Variants in DHRSX observed in about 807,000 individuals in gnomAD.
The protein encoded by DHRSX is polyprenol dehydrogenase.
In DHRSX, 31 loss-of-function variants were observed where a neutral mutation model predicts 34.0. The ratio of observed to expected loss-of-function variants is 0.91; its 90% CI spans 0.69 to 1.23. The LOEUF is 1.23. Among genes scored for constraint, DHRSX ranks in the 50% most tolerant of loss-of-function variants. DHRSX has a pLI of 0.00. For missense variants in DHRSX, 414 were observed against 428.1 expected (o/e 0.97, Z 0.29); for synonymous variants, 201 against 183.8 (o/e 1.09, Z -0.76).
intron 3 of DHRSX, among the ~76,000 whole-genome samples, chrX:2,304,607 C>T (rs1001446607): frequency 1.3e-5 from 2 of 152,006 alleles, no homozygotes; most frequent in Admixed American, 6.6e-5. Flanking sequence ...CAGCCCACCC[C>T]AACTGCACCT....
At chrX:2,493,315 C>CCAT (rs770537301) in intron 1 of DHRSX, among the ~76,000 whole-genome samples, 22 of 152,120 alleles carry the variant, frequency 1.4e-4, no homozygotes, top group Non-Finnish European at 2.5e-4. Context: ...ATCAGATCCT[C>CCAT]CATCATCATC....
At chrX:2,424,826 A>C (rs956881076) in intron 2 of DHRSX, among the ~76,000 whole-genome samples, 4 of 152,276 alleles carry the variant, frequency 2.6e-5, no homozygotes, top group African/African-American at 9.6e-5. Flanking sequence ...ACACCTAAGT[A>C]GCTCACATTA....
intron 1 of DHRSX, among the ~76,000 whole-genome samples, chrX:2,482,666 CAT>C (rs1485692828): frequency 6.6e-6 from 1 of 152,194 alleles, no homozygotes; most frequent in Non-Finnish European, 1.5e-5. Context: ...AAAACCTAAA[CAT>C]AATTCTTAGC....
chrX:2,271,434 G>C (rs1163287739), intron 4 of DHRSX, among the ~76,000 whole-genome samples: 5 of 152,208 alleles, frequency 3.3e-5, no homozygotes, highest in Non-Finnish European at 7.3e-5. Flanking sequence ...AGGGAGAAAT[G>C]AGCAGACTGT....
intron 3 of DHRSX, among the ~76,000 whole-genome samples, chrX:2,333,494 A>C: frequency 6.6e-6 from 1 of 152,262 alleles, no homozygotes; most frequent in South Asian, 2.1e-4. Flanking sequence ...GGCTCACTGC[A>C]ACCTCCGCCT....
intron 3 of DHRSX, among the ~76,000 whole-genome samples, chrX:2,406,952 A>C (rs2043562709): frequency 6.6e-6 from 1 of 152,228 alleles, no homozygotes; most frequent in Admixed American, 6.5e-5. Context: ...TGTATCAAAG[A>C]GATGCCTGCA....
At chrX:2,311,834 G>A (rs753187303) in intron 3 of DHRSX, among the ~76,000 whole-genome samples, 20 of 152,250 alleles carry the variant, frequency 1.3e-4, no homozygotes, top group Non-Finnish European at 2.2e-4. Context: ...GCTAATGAGC[G>A]TCGATTTAAT....
chrX:2,293,831 G>A (rs1191170738), intron 3 of DHRSX, among the ~76,000 whole-genome samples: 2 of 151,942 alleles, frequency 1.3e-5, no homozygotes, highest in African/African-American at 4.8e-5. Context: ...TGGGGGGAGG[G>A]GTCTGCCTGT....
chrX:2,355,850 A>G (rs377713273), intron 3 of DHRSX, among the ~76,000 whole-genome samples: 5 of 151,748 alleles, frequency 3.3e-5, no homozygotes, highest in African/African-American at 1.2e-4. Context: ...CAGATCATCT[A>G]AAGTCGGGAG....
At chrX:2,371,008 C>T (rs1382837894) in intron 3 of DHRSX, among the ~76,000 whole-genome samples, 1 of 152,076 alleles carries the variant, frequency 6.6e-6, no homozygotes, top group East Asian at 1.9e-4. Flanking sequence ...CTCCAAGAGG[C>T]TCCCAGATGT....
chrX:2,349,338 C>CA (rs112245431), intron 3 of DHRSX, among the ~76,000 whole-genome samples: 32,854 of 146,646 alleles, frequency 0.22, 4,151 homozygotes, highest in African/African-American at 0.34. Flanking sequence ...CCGTCTCAAA[C>CA]AAAAAAAAAA....
chrX:2,426,563 CTCTT>C (rs1246994628), intron 1 of DHRSX, among the ~76,000 whole-genome samples: 1 of 134,748 alleles, frequency 7.4e-6, no homozygotes, highest in Non-Finnish European at 1.6e-5. Context: ...CCTTCCTTCC[CTCTT>C]TCTTTTCTTC....
intron 1 of DHRSX, among the ~76,000 whole-genome samples, chrX:2,448,984 T>C (rs1304264219): frequency 6.6e-6 from 1 of 151,598 alleles, no homozygotes; most frequent in Non-Finnish European, 1.5e-5. Flanking sequence ...AGGTCAGGAG[T>C]TCCAGACTGG....
intron 1 of DHRSX, among the ~76,000 whole-genome samples, chrX:2,493,088 A>G (rs1235442689): frequency 6.6e-6 from 1 of 152,170 alleles, no homozygotes; most frequent in Non-Finnish European, 1.5e-5. Flanking sequence ...CTGGGGTGCA[A>G]GGAGGGGGGT....
chrX:2,347,480 G>C (rs1457164179), intron 3 of DHRSX, among the ~76,000 whole-genome samples: 2 of 152,202 alleles, frequency 1.3e-5, no homozygotes, highest in Non-Finnish European at 2.9e-5. Context: ...GATCACCTGA[G>C]CTCAGGAGTT....
At chrX:2,300,267 C>G (rs2041995226) in intron 3 of DHRSX, among the ~76,000 whole-genome samples, 1 of 152,142 alleles carries the variant, frequency 6.6e-6, no homozygotes, top group Non-Finnish European at 1.5e-5. Flanking sequence ...ATCATCAGAA[C>G]CCTTAAACTC....
intron 5 of DHRSX, among the ~76,000 whole-genome samples, chrX:2,245,433 C>T (rs1256768410): frequency 9.9e-5 from 15 of 151,930 alleles, no homozygotes; most frequent in Middle Eastern, 3.4e-3. Context: ...CTCAGCCTCC[C>T]GAGTAGCTGG....
chrX:2,229,999 TCATG>T (rs1168334285), intron 6 of DHRSX, among the ~76,000 whole-genome samples: 3 of 152,170 alleles, frequency 2.0e-5, no homozygotes, highest in African/African-American at 7.2e-5. Context: ...GTGTGTTTGC[TCATG>T]CATATGTGCA....
chrX:2,467,049 G>C (rs2044507479), intron 1 of DHRSX, among the ~76,000 whole-genome samples: 1 of 137,996 alleles, frequency 7.2e-6, no homozygotes, highest in Admixed American at 7.7e-5. Context: ...TGGGAGACAA[G>C]AGCAAAAGTC....
Sources: allele counts gnomAD v4.1 joint callset (sites outside exome capture counted in the v4.1 genomes callset), GRCh38; gene constraint gnomAD v4.1.1; transcripts MANE v1.5; gene names NCBI Gene and HGNC (gene_info 2026-07-23, HGNC 2026-07-21).